The following OVOL1 variants were observed in gnomAD, a reference collection of about 807,000 sequenced individuals.
OVOL1 encodes the protein putative transcription factor Ovo-like 1.
OVOL1 carries 10 observed loss-of-function variants against 21.5 expected under a neutral mutation model. That is an observed-to-expected ratio of 0.46 (90% confidence interval 0.29 to 0.79). The LOEUF (loss-of-function observed/expected upper bound fraction) is 0.79, where lower values mean the gene tolerates loss of function less well. Among genes scored for constraint, OVOL1 ranks in the 30% least tolerant of loss-of-function variants. The pLI, the probability that OVOL1 is intolerant of heterozygous loss-of-function variation, is 0.10. For missense variants in OVOL1, 279 were observed against 362.3 expected (o/e 0.77, Z 1.87); for synonymous variants, 129 against 150.3 (o/e 0.86, Z 1.03).
intron 1 of OVOL1, among the ~76,000 whole-genome samples, chr11:65,791,287 G>A (rs1858011847): frequency 6.6e-6 from 1 of 152,206 alleles, no homozygotes; most frequent in African/African-American, 2.4e-5. Flanking sequence ...GGCACGGGGG[G>A]CACCAGCCCT....
chr11:65,788,935 G>A (rs1035765825), intron 1 of OVOL1: 4 of 986,600 alleles, frequency 4.1e-6, no homozygotes, highest in Non-Finnish European at 4.8e-6. Flanking sequence ...GTTGGTGGGG[G>A]CACGCAGAGG....
At chr11:65,793,021 C>T (rs147148547) in intron 1 of OVOL1, among the ~76,000 whole-genome samples, 180 of 152,350 alleles carry the variant, frequency 1.2e-3, no homozygotes, top group African/African-American at 4.0e-3. Flanking sequence ...ATAGGCCCCT[C>T]GTGATTTTTC....
intron 1 of OVOL1, chr11:65,790,048 C>A: frequency 6.8e-6 from 1 of 147,708 alleles, no homozygotes; most frequent in Non-Finnish European, 1.5e-5. Context: ...CCCACCCACC[C>A]CCCCAACCAC....
At position 65,795,147 on chromosome 11, in the gene OVOL1, G is replaced by A. The variant is rs200722134; in HGVS notation, c.610G>A (p.Ala204Thr). The part of the protein sequence containing the change: ...KKIHGVQQKY[A>T]YKERRAKLYV... ...GATCCATGGTGTGCAGCAGAAGTAC[G>A]CGTACAAGGAGCGGCGGGCCAAGCT... is the stretch of plus-strand genomic sequence containing the variant. Residue 204 changes from alanine (A) to threonine (T), a missense_variant, in exon 4 of 4, where the codon GCG becomes ACG. By Grantham distance (58) the Ala-to-Thr change is moderately conservative. Coordinates refer to ENST00000335987, the MANE Select transcript of OVOL1 (RefSeq NM_004561.4). The surrounding 1 kb of genome is among the most constrained non-coding windows in gnomAD (Gnocchi z 5.7). 126 of 1,613,910 alleles carry A rather than the reference G, an allele frequency of 7.8e-5. No individual in the cohort carries two copies. The highest frequency in any genetic ancestry group is 3.7e-5 in the Non-Finnish European group (44 of 1,180,024).
chr11:65,788,643 T>C (rs2135698464), intron 1 of OVOL1: 1 of 985,462 alleles, frequency 1.0e-6, no homozygotes, highest in South Asian at 4.7e-5. Flanking sequence ...GACAGTGTCC[T>C]GGTGAGGTCT....
Position 65,788,356 on chromosome 11 carries a change from TC to T in OVOL1, c.100+888del, listed in dbSNP as rs537804406. The stretch of plus-strand genomic sequence containing the variant: ...AAGAACACTCCTACCCCTTCTGTCC[TC>T]CCCCACCCCCAACAAAGTCTTTGGT... On this transcript the variant is annotated intron_variant, in intron 1 of 3. Coordinates refer to ENST00000335987, the MANE Select transcript of OVOL1 (RefSeq NM_004561.4). 2.3e-3 allele frequency: 1,183 copies of T among 507,818 alleles called. 2 individuals are homozygous for T. The highest frequency in any genetic ancestry group is 2.7e-3 in the Non-Finnish European group (1,070 of 393,402). 31.5% of individuals were successfully genotyped at this position (507,818 alleles called of 1,614,324 possible).
At chr11:65,792,675 G>A (rs1342632569) in intron 1 of OVOL1, among the ~76,000 whole-genome samples, 2 of 152,232 alleles carry the variant, frequency 1.3e-5, no homozygotes, top group African/African-American at 2.4e-5. Context: ...AAAGGCCCCC[G>A]GACAGACGGA....
chr11:65,790,114 T>TG (rs1857985695), intron 1 of OVOL1: 1 of 136,390 alleles, frequency 7.3e-6, no homozygotes, highest in Non-Finnish European at 1.5e-5. Context: ...CAGGGAGTAA[T>TG]GCTGGTTCCT....
At position 65,794,208 on chromosome 11, in the gene OVOL1, C is replaced by T. The variant is rs1461504507; in HGVS notation, c.278C>T (p.Pro93Leu). The T allele has an allele frequency of 1.4e-5, 22 of 1,613,464 alleles. No individual in the cohort carries two copies. The highest frequency in any genetic ancestry group is 1.9e-5 in the Non-Finnish European group (22 of 1,180,022). Residue 93 changes from proline (P) to leucine (L), a missense_variant, in exon 2 of 4, where the codon CCC (proline) becomes CTC (leucine). Physicochemically the swap from Pro to Leu is moderately conservative, Grantham distance 98. Coordinates refer to ENST00000335987, the MANE Select transcript of OVOL1 (RefSeq NM_004561.4). ...PSEDMGHLTD[P>L]QSRDHGFLRT... Reference sequence around the variant, plus strand: ...GAAGACATGGGCCACTTGACAGACCCCCAGAGCAGAGACCATGGCTTCCTG... The same window carrying T: ...GAAGACATGGGCCACTTGACAGACCTCCAGAGCAGAGACCATGGCTTCCTG...
At chr11:65,792,064 G>A (rs943993522) in intron 1 of OVOL1, among the ~76,000 whole-genome samples, 1 of 152,194 alleles carries the variant, frequency 6.6e-6, no homozygotes, top group South Asian at 2.1e-4. Flanking sequence ...TCTGCCCCTC[G>A]CTCAGGGTGG....
At chr11:65,792,855 C>T (rs779341287) in intron 1 of OVOL1, among the ~76,000 whole-genome samples, 1 of 152,244 alleles carries the variant, frequency 6.6e-6, no homozygotes, top group Non-Finnish European at 1.5e-5. Flanking sequence ...TGTCCCTGTC[C>T]TCCTGGGAGA....
rs1325095215 is a variant in OVOL1, at chr11:65,795,636, CCA to C, written c.*298_*299del. On this transcript the variant is annotated 3_prime_UTR_variant, in exon 4 of 4. Transcript: ENST00000335987. This position sits in a 1 kb window ranked among gnomAD's most constrained non-coding sequence, Gnocchi z 5.7. ...GCTGCCTTCAATTAGAAGCAGCCGC[CCA>C]CAGAGACAGGCACTGTGTGCCTGGC... is the stretch of plus-strand genomic sequence containing the variant. 40 of 500,690 alleles carry C rather than the reference CCA, an allele frequency of 8.0e-5. No individual in the cohort carries two copies. The East Asian group carries it at 1.4e-3, about 17-fold the overall frequency. The allele number at this position is 500,690 out of a possible 1,614,324, so 31.0% of individuals were successfully genotyped here.
chr11:65,787,327 G>A lies in OVOL1; in HGVS notation c.-47G>A, dbSNP rs781134378. ...GCCCCGCAAAGGTGGGACGGCTCCCGGCTTCAGTTACGGAAGCGGCCCGTG... is the reference window on the plus strand; with the variant it reads ...GCCCCGCAAAGGTGGGACGGCTCCCAGCTTCAGTTACGGAAGCGGCCCGTG... On this transcript the variant is annotated 5_prime_UTR_variant, in exon 1 of 4. Transcript: ENST00000335987. 7.4e-6 allele frequency: 11 copies of A among 1,484,516 alleles called. No homozygotes were observed. In the African/African-American group the frequency reaches 1.3e-4, roughly 17 times the overall value. 92.0% of individuals were successfully genotyped at this position (1,484,516 alleles called of 1,614,324 possible).
chr11:65,794,311 T>C (rs1431311265), intron 2 of OVOL1, 63 bp downstream of exon 2: 2 of 1,443,264 alleles, frequency 1.4e-6, no homozygotes, highest in African/African-American at 1.4e-5. Flanking sequence ...GTCCAGCTCA[T>C]GAGACATGGC....
Position 65,787,190 on chromosome 11 carries a change from T to G in OVOL1, c.-184T>G. On this transcript the variant is annotated 5_prime_UTR_variant, in exon 1 of 4. Transcript: ENST00000335987. ...CTCGTTCTCAGGGAAGACGGCGACATTCCGCGGAGGTGGAACCGCCGCGCG... is the reference window on the plus strand; with the variant it reads ...CTCGTTCTCAGGGAAGACGGCGACAGTCCGCGGAGGTGGAACCGCCGCGCG... 4.2e-6 allele frequency: 2 copies of G among 475,508 alleles called. No individual in the cohort carries two copies. Among genetic ancestry groups the G allele is most frequent in the Non-Finnish European group, 3.9e-6 (1 of 253,776 alleles). 29.5% of individuals were successfully genotyped at this position (475,508 alleles called of 1,614,324 possible).
At chr11:65,794,957 G>A in intron 3 of OVOL1, 89 bp from the exon 4 acceptor site, 1 of 1,380,446 alleles carries the variant, frequency 7.2e-7, no homozygotes, top group Non-Finnish European at 9.9e-7. Flanking sequence ...CCTAGAGGCA[G>A]GGGTCCTGTC....
In OVOL1 at chr11:65,795,366, C is replaced by T. The variant is rs1323696252; in HGVS notation, c.*25C>T. 1.3e-6 allele frequency: 2 copies of T among 1,549,194 alleles called. No individual in the cohort carries two copies. The highest frequency in any genetic ancestry group is 8.7e-7 in the Non-Finnish European group (1 of 1,151,050). On this transcript the variant is annotated 3_prime_UTR_variant, in exon 4 of 4. Transcript: ENST00000335987. This position sits in a 1 kb window ranked among gnomAD's most constrained non-coding sequence, Gnocchi z 5.7. ...AGTGGCTCGAGCCCTGGGGGTGCTC[C>T]TGGAAGCCCCAAGAGCATCCAGGAT...
rs753451347 is a variant in OVOL1 at position 65,794,021 on chromosome 11, C to T, written c.101-10C>T. On this transcript the variant is annotated splice_polypyrimidine_tract_variant and intron_variant, in intron 1 of 3. Transcript: ENST00000335987. ...CCACCAAGCCTCTCACCTGTCTGTT[C>T]TCTCCCCAGTCAGCCTGGGCTTCTG... The T allele has an allele frequency of 1.9e-6, 3 of 1,610,840 alleles. No individual in the cohort carries two copies. The highest frequency in any genetic ancestry group is 2.5e-6 in the Non-Finnish European group (3 of 1,177,542).
chr11:65,791,177 C>T (rs1418661467), intron 1 of OVOL1, among the ~76,000 whole-genome samples: 1 of 152,256 alleles, frequency 6.6e-6, no homozygotes, highest in East Asian at 1.9e-4. Context: ...AAACAGAAGG[C>T]CAAGAGACTG....
Sources: gnomAD v4.1 joint callset for allele counts (sites outside exome capture counted in the v4.1 genomes callset) on GRCh38, gnomAD v4.1.1 for gene constraint, Gnocchi (gnomAD v3.1) non-coding constraint, MANE v1.5 for transcripts, NCBI Gene and HGNC (gene_info 2026-07-23, HGNC 2026-07-21) for gene names.